STK32B: variants seen among roughly 807,000 people sequenced by gnomAD.
STK32B encodes the protein serine/threonine kinase 32B.
A neutral mutation model predicts 52.6 loss-of-function variants in STK32B; 43 were observed. The ratio of observed to expected loss-of-function variants is 0.82; its 90% CI spans 0.64 to 1.05. The LOEUF (loss-of-function observed/expected upper bound fraction) is 1.05. Among genes scored for constraint, STK32B ranks in the 50% least tolerant of loss-of-function variants. The pLI is 0.00. For missense variants in STK32B, 621 were observed against 534.6 expected (o/e 1.16, Z -1.59); for synonymous variants, 238 against 204.3 (o/e 1.17, Z -1.41).
chr4:5,288,079 A>G (rs923050470), intron 3 of STK32B, among the ~76,000 whole-genome samples: 2 of 152,224 alleles, frequency 1.3e-5, no homozygotes, highest in African/African-American at 4.8e-5. Context: ...TATAGCATGT[A>G]TCAGTACTTC....
the STK32B span, among the ~76,000 whole-genome samples, chr4:5,026,347 TGG>T: frequency 6.6e-6 from 1 of 152,196 alleles, no homozygotes; most frequent in South Asian, 2.1e-4. Flanking sequence ...ATCCCAAGAC[TGG>T]GTAATTTATA....
rs180893619 is a variant in STK32B, at chr4:5,252,448, G to T, written c.261-78772G>T. 3.3e-3 allele frequency among the ~76,000 whole-genome samples: 500 copies of T among 152,310 alleles called. 1 individual carries two copies. The highest frequency in any genetic ancestry group is 0.017 in the Middle Eastern group (5 of 294). On this transcript the variant is annotated intron_variant, in intron 3 of 11. Transcript: ENST00000282908. ...AGCTGGACCATCAGTGGCACCCATT[G>T]GAAATGATTGCCAGTGCTGCTGCAC...
chr4:5,071,080 A>G (rs963048181), intron 1 of STK32B, among the ~76,000 whole-genome samples: 2 of 152,208 alleles, frequency 1.3e-5, no homozygotes, highest in African/African-American at 4.8e-5. Flanking sequence ...CTGTATGCAC[A>G]GGTTGCAGGT....
chr4:5,375,817 C>T (rs1009221174), intron 4 of STK32B, among the ~76,000 whole-genome samples: 3 of 152,132 alleles, frequency 2.0e-5, no homozygotes, highest in Non-Finnish European at 4.4e-5. Context: ...GCGGGGAGTG[C>T]TCCACAATGG....
At chr4:5,279,799 G>T (rs542538467) in intron 3 of STK32B, among the ~76,000 whole-genome samples, 1 of 152,316 alleles carries the variant, frequency 6.6e-6, no homozygotes, top group African/African-American at 2.4e-5. Flanking sequence ...AGCCACCGAG[G>T]CTGGGGACTT....
At chr4:5,154,877 C>A (rs1040133710) in intron 2 of STK32B, among the ~76,000 whole-genome samples, 1 of 152,184 alleles carries the variant, frequency 6.6e-6, no homozygotes, top group African/African-American at 2.4e-5. Context: ...GTCTAGACAG[C>A]AGCCAGGGAT....
At chr4:5,317,558 T>A (rs114460528) in intron 3 of STK32B, among the ~76,000 whole-genome samples, 7,570 of 122,830 alleles carry the variant, frequency 0.062, 668 homozygotes, top group African/African-American at 0.16. Flanking sequence ...TATATATATA[T>A]AACTTGAAAA....
rs62291617 is a variant in STK32B, at chr4:5,051,925, C to A, written c.52+10C>A. ...GACGAGAATGAGGAAGGTAAGAGAG[C>A]GAGAGGTGCGAATTCCCGCTTCGCG... On this transcript the variant is annotated intron_variant, in intron 1 of 11. Transcript: ENST00000282908. 5.7e-3 allele frequency: 9,119 copies of A among 1,587,468 alleles called. 33 individuals carry two copies. The highest frequency in any genetic ancestry group is 7.0e-3 in the Non-Finnish European group (8,116 of 1,167,488).
At chr4:5,282,915 G>A (rs988269690) in intron 3 of STK32B, among the ~76,000 whole-genome samples, 3 of 152,092 alleles carry the variant, frequency 2.0e-5, no homozygotes, top group Admixed American at 6.6e-5. Context: ...TTGACCGTGG[G>A]TAACTGAAAC....
chr4:5,359,354 T>A (rs948934590), intron 4 of STK32B, among the ~76,000 whole-genome samples: 2 of 148,784 alleles, frequency 1.3e-5, no homozygotes, highest in African/African-American at 5.1e-5. Context: ...CACCCATCCA[T>A]CCACTCATCC....
intron 3 of STK32B, among the ~76,000 whole-genome samples, chr4:5,319,101 G>T (rs1166511153): frequency 1.3e-5 from 2 of 152,120 alleles, no homozygotes; most frequent in African/African-American, 4.8e-5. Context: ...ACCACGCCTG[G>T]CTAAAAATAG....
At chr4:5,293,158 A>T (rs982659743) in intron 3 of STK32B, among the ~76,000 whole-genome samples, 1 of 152,116 alleles carries the variant, frequency 6.6e-6, no homozygotes, top group Non-Finnish European at 1.5e-5. Flanking sequence ...TCCATGGTGT[A>T]TAAGTACCAC....
At chr4:5,476,504 A>G (rs894238152) in intron 11 of STK32B, among the ~76,000 whole-genome samples, 3 of 152,142 alleles carry the variant, frequency 2.0e-5, no homozygotes, top group Non-Finnish European at 2.9e-5. Context: ...AACTTCTCTT[A>G]TGGGTCCTTA....
chr4:5,070,979 C>T (rs911825057), intron 1 of STK32B, among the ~76,000 whole-genome samples: 3 of 152,140 alleles, frequency 2.0e-5, no homozygotes, highest in African/African-American at 4.8e-5. Context: ...GTACATGCTC[C>T]GTGGTAATTG....
intron 3 of STK32B, among the ~76,000 whole-genome samples, chr4:5,181,141 T>C (rs1720319182): frequency 6.6e-6 from 1 of 152,182 alleles, no homozygotes; most frequent in Non-Finnish European, 1.5e-5. Context: ...TAGCTGGCTA[T>C]GATGCTGCTA....
At chr4:5,046,640 A>T (rs1162890839), upstream of STK32B, among the ~76,000 whole-genome samples, 3 of 152,260 alleles carry the variant, frequency 2.0e-5, no homozygotes, top group East Asian at 5.8e-4. Context: ...ATAAATTTAC[A>T]AGAATAAAAC....
chr4:5,456,061 G>A (rs1292544309), intron 7 of STK32B, among the ~76,000 whole-genome samples: 2 of 152,016 alleles, frequency 1.3e-5, no homozygotes, highest in Admixed American at 1.3e-4. Context: ...GGGGCAGGGG[G>A]AGCGGGGACC....
chr4:5,089,672 A>G (rs879980803), intron 1 of STK32B, among the ~76,000 whole-genome samples: 3 of 152,276 alleles, frequency 2.0e-5, no homozygotes, highest in South Asian at 2.1e-4. Flanking sequence ...CTAGGTGTGC[A>G]TGTGTCTTTA....
At chr4:5,285,753 T>A (rs1209520332) in intron 3 of STK32B, among the ~76,000 whole-genome samples, 1 of 152,076 alleles carries the variant, frequency 6.6e-6, no homozygotes, top group East Asian at 1.9e-4. Context: ...GCACACAATT[T>A]AGAAATTCAA....
Sources: gnomAD v4.1 joint callset for allele counts (sites outside exome capture counted in the v4.1 genomes callset) on GRCh38, gnomAD v4.1.1 for gene constraint, MANE v1.5 for transcripts, NCBI Gene and HGNC (gene_info 2026-07-23, HGNC 2026-07-21) for gene names.